The following NRG4 variants were observed in gnomAD, a reference collection of about 807,000 sequenced individuals.
The protein encoded by NRG4 is neuregulin 4, also known as pro-neuregulin-4, membrane-bound isoform.
A neutral mutation model predicts 15.0 loss-of-function variants in NRG4; 10 were observed. The observed-to-expected ratio is 0.67, with a 90% CI of 0.41 to 1.13. The LOEUF is 1.13. NRG4 is among the 50% of genes most tolerant of loss of function. NRG4 has a pLI of 0.00. For synonymous variants in NRG4, 41 were observed against 50.1 expected (o/e 0.82, Z 0.77); for missense variants, 139 against 140.2 (o/e 0.99, Z 0.04).
chr15:75,946,501 G>A (rs2031519997), intron 5 of NRG4, among the ~76,000 whole-genome samples: 1 of 152,162 alleles, frequency 6.6e-6, no homozygotes, highest in African/African-American at 2.4e-5. Context: ...GGGACTACAG[G>A]TGCCCGCCAC....
At chr15:76,054,337 C>T (rs1246282156) in intron 2 of NRG4, among the ~76,000 whole-genome samples, 1 of 151,598 alleles carries the variant, frequency 6.6e-6, no homozygotes, top group African/African-American at 2.4e-5. Context: ...GCGATCTGCC[C>T]GCCTCAGCCT....
At chr15:75,993,725 C>T (rs1329980593) in intron 3 of NRG4, among the ~76,000 whole-genome samples, 1 of 151,890 alleles carries the variant, frequency 6.6e-6, no homozygotes, top group Non-Finnish European at 1.5e-5. Context: ...GTTTTTCATA[C>T]AGATATTTTC....
At chr15:76,056,814 C>T (rs1238869125) in intron 2 of NRG4, 1 of 152,212 alleles carries the variant, frequency 6.6e-6, no homozygotes, top group Non-Finnish European at 1.5e-5. Context: ...CAATCTTTTT[C>T]AGACATTCAC....
intron 4 of NRG4, among the ~76,000 whole-genome samples, chr15:76,044,260 C>T (rs1394877230): frequency 6.6e-6 from 1 of 150,658 alleles, no homozygotes; most frequent in Middle Eastern, 3.2e-3. Context: ...CCTCGGCCTC[C>T]CAAAGTGCTG....
intron 3 of NRG4, among the ~76,000 whole-genome samples, chr15:75,967,854 G>A (rs879826743): frequency 5.9e-5 from 9 of 152,126 alleles, no homozygotes; most frequent in Non-Finnish European, 1.2e-4. Flanking sequence ...TACATGTTGT[G>A]TATAAATAAG....
At chr15:75,967,613 C>A (rs1341304532) in intron 3 of NRG4, among the ~76,000 whole-genome samples, 1 of 151,864 alleles carries the variant, frequency 6.6e-6, no homozygotes, top group East Asian at 1.9e-4. Context: ...AGGTGTGCAC[C>A]ACCACACCCA....
chr15:75,990,287 C>G (rs1276138140), intron 3 of NRG4, among the ~76,000 whole-genome samples: 2 of 152,140 alleles, frequency 1.3e-5, no homozygotes, highest in Non-Finnish European at 2.9e-5. Context: ...AAATTTCAGC[C>G]ATGTCAACCT....
intron 3 of NRG4, among the ~76,000 whole-genome samples, chr15:76,052,434 G>A (rs1221007057): frequency 6.6e-6 from 1 of 151,072 alleles, no homozygotes; most frequent in Non-Finnish European, 1.5e-5. Context: ...TGGGTTAAGA[G>A]GGAAATAGAA....
intron 3 of NRG4, among the ~76,000 whole-genome samples, chr15:75,989,881 C>T (rs191238206): frequency 6.6e-6 from 1 of 152,202 alleles, no homozygotes; most frequent in African/African-American, 2.4e-5. Context: ...GTTTAAAGAG[C>T]ATTGAACTTT....
chr15:75,958,567 C>T (rs552585158), intron 4 of NRG4, among the ~76,000 whole-genome samples: 1 of 152,266 alleles, frequency 6.6e-6, no homozygotes, highest in Admixed American at 6.5e-5. Context: ...ATGACATTAC[C>T]AGCCTAGATT....
chr15:75,976,083 T>C (rs1348165007), intron 3 of NRG4, among the ~76,000 whole-genome samples: 1 of 152,198 alleles, frequency 6.6e-6, no homozygotes, highest in Non-Finnish European at 1.5e-5. Flanking sequence ...ATTTCATCAA[T>C]TGATCTTCAA....
At chr15:76,000,908 G>T (rs996472479) in intron 3 of NRG4, among the ~76,000 whole-genome samples, 3 of 152,048 alleles carry the variant, frequency 2.0e-5, no homozygotes, top group Non-Finnish European at 2.9e-5. Context: ...ATATTGTTAA[G>T]AAAAAAGAAA....
chr15:76,021,620 T>C (rs2035157749), intron 5 of NRG4, among the ~76,000 whole-genome samples: 1 of 152,250 alleles, frequency 6.6e-6, no homozygotes, highest in Non-Finnish European at 1.5e-5. Context: ...TTTATTATTT[T>C]ATTTGAACCT....
At chr15:75,959,834 T>C (rs891367366) in intron 4 of NRG4, among the ~76,000 whole-genome samples, 2 of 152,190 alleles carry the variant, frequency 1.3e-5, no homozygotes, top group Non-Finnish European at 2.9e-5. Context: ...TAGTGAGTTA[T>C]GTCAGTAGTG....
chr15:76,039,135 C>T (rs572753218), intron 4 of NRG4, among the ~76,000 whole-genome samples: 3 of 152,230 alleles, frequency 2.0e-5, no homozygotes, highest in Non-Finnish European at 4.4e-5. Flanking sequence ...AAAACCTTCC[C>T]GAGACAGGTG....
chr15:76,028,369 A>G (rs1241592618), intron 5 of NRG4, among the ~76,000 whole-genome samples: 10 of 152,150 alleles, frequency 6.6e-5, no homozygotes, highest in African/African-American at 2.4e-4. Flanking sequence ...ACTACATGCC[A>G]ATAAATTTGA....
chr15:75,961,307 C>A (rs1488933923), intron 4 of NRG4, among the ~76,000 whole-genome samples: 1 of 151,720 alleles, frequency 6.6e-6, no homozygotes, highest in African/African-American at 2.4e-5. Flanking sequence ...TTGTGAGTTA[C>A]CAGTTTCCCC....
At chr15:76,043,708 C>G (rs2035799695) in intron 4 of NRG4, among the ~76,000 whole-genome samples, 1 of 152,206 alleles carries the variant, frequency 6.6e-6, no homozygotes, top group East Asian at 1.9e-4. Flanking sequence ...AACGTCCACA[C>G]TACCCAAAGC....
In NRG4 at chr15:76,058,393, G is replaced by A. The variant is rs182528657; in HGVS notation, c.-328+1262C>T. 2.5e-3 allele frequency among the ~76,000 whole-genome samples: 381 copies of A among 152,296 alleles called. 3 individuals carry two copies. Among genetic ancestry groups the A allele is most frequent in the African/African-American group, 8.8e-3 (365 of 41,544 alleles). On this transcript the variant is annotated intron_variant, in intron 1 of 8. Transcript: ENST00000563910. ...AGATGAGTAGGAAATGCTGAAAGGC[G>A]AAGGAGGATCTGAAGAAATTTTACA...
Sources: allele counts gnomAD v4.1 joint callset (sites outside exome capture counted in the v4.1 genomes callset), GRCh38; gene constraint gnomAD v4.1.1; transcripts MANE v1.5; gene names NCBI Gene and HGNC (gene_info 2026-07-23, HGNC 2026-07-21).